RIMS1: variants seen among roughly 807,000 people sequenced by gnomAD.
RIMS1 encodes the protein regulating synaptic membrane exocytosis 1, also known as regulating synaptic membrane exocytosis protein 1.
RIMS1 carries 83 observed loss-of-function variants against 214.1 expected under a neutral mutation model. The observed-to-expected ratio is 0.39, with a 90% CI of 0.32 to 0.47. RIMS1 has a LOEUF of 0.47. Among genes scored for constraint, RIMS1 ranks in the 20% least tolerant of loss-of-function variants. The pLI is 0.99. For missense variants in RIMS1, 2,050 were observed against 2,161.8 expected (o/e 0.95, Z 1.03); for synonymous variants, 793 against 786.8 (o/e 1.01, Z -0.13).
chr6:72,091,196 C>T (rs535687199), intron 2 of RIMS1, among the ~76,000 whole-genome samples: 1 of 152,316 alleles, frequency 6.6e-6, no homozygotes, highest in Admixed American at 6.5e-5. Flanking sequence ...CCCTCACCTG[C>T]TCTCAGAACC....
chr6:72,002,815 G>T (rs983633864), intron 2 of RIMS1, among the ~76,000 whole-genome samples: 5 of 152,130 alleles, frequency 3.3e-5, no homozygotes, highest in African/African-American at 1.2e-4. Context: ...CACCTGGAGT[G>T]TTGTTTACCC....
chr6:72,317,167 CCA>C (rs1186379325), intron 28 of RIMS1: 1 of 343,330 alleles, frequency 2.9e-6, no homozygotes, highest in Non-Finnish European at 5.7e-6. Context: ...TGCCCCCTCC[CCA>C]GAGTCCCCTA....
At chr6:72,315,173 T>C (rs776503685) in intron 28 of RIMS1, among the ~76,000 whole-genome samples, 10 of 152,202 alleles carry the variant, frequency 6.6e-5, no homozygotes, top group Non-Finnish European at 1.2e-4. Context: ...GTGGAGAACA[T>C]GGCAACTCAA....
chr6:72,390,593 G>A lies in RIMS1; in HGVS notation c.4367-5G>A, dbSNP rs371247831. 6.2e-7 allele frequency: 1 copy of A among 1,610,502 alleles called. No individual in the cohort carries two copies. Among genetic ancestry groups the A allele is most frequent in the East Asian group, 2.2e-5 (1 of 44,768 alleles). ...CTTAGAGTTTCTTTTACTCTCTCCT[G>A]TCAGAGTCGGGCCACAAAAAGTTAA... On this transcript the variant is annotated splice_region_variant and splice_polypyrimidine_tract_variant and intron_variant, in intron 29 of 33. Coordinates refer to ENST00000521978, the MANE Select transcript of RIMS1 (RefSeq NM_014989.7).
chr6:72,400,943 C>T lies in RIMS1; in HGVS notation c.*229C>T. The T allele has an allele frequency of 2.0e-6, 1 of 507,618 alleles. No homozygotes were observed. The highest frequency in any genetic ancestry group is 3.2e-5 in the East Asian group (1 of 31,434). 31.4% of individuals were successfully genotyped at this position (507,618 alleles called of 1,614,324 possible). A position where few individuals can be genotyped will look rare whatever the true frequency, so the allele number is the denominator to read the frequency against. On this transcript the variant is annotated 3_prime_UTR_variant, in exon 34 of 34. Transcript: ENST00000521978. ...AGAATCAACATGCTGGTGAGAGTCA[C>T]TGATGCTTCTAACAAATAGAAAAAG...
At chr6:72,285,134 C>T (rs957275973) in intron 24 of RIMS1, among the ~76,000 whole-genome samples, 2 of 152,086 alleles carry the variant, frequency 1.3e-5, no homozygotes, top group African/African-American at 2.4e-5. Context: ...ATCACTATGC[C>T]ATGTTAATAC....
At chr6:71,936,582 A>T (rs1784530500) in intron 1 of RIMS1, among the ~76,000 whole-genome samples, 1 of 152,212 alleles carries the variant, frequency 6.6e-6, no homozygotes, top group African/African-American at 2.4e-5. Context: ...ATCTTGAGAA[A>T]GAAAATAAAG....
chr6:72,309,440 G>A (rs2095402498), intron 27 of RIMS1, among the ~76,000 whole-genome samples: 1 of 152,088 alleles, frequency 6.6e-6, no homozygotes, highest in Non-Finnish European at 1.5e-5. Flanking sequence ...TCTCTGTATA[G>A]TGAAGAGGCC....
intron 2 of RIMS1, among the ~76,000 whole-genome samples, chr6:72,060,347 G>C (rs1339068889): frequency 1.3e-5 from 2 of 152,060 alleles, no homozygotes; most frequent in Non-Finnish European, 2.9e-5. Context: ...CTATTTCAGT[G>C]CATCCTACAC....
chr6:72,176,726 T>C (rs2047760501), intron 4 of RIMS1, among the ~76,000 whole-genome samples: 1 of 77,792 alleles, frequency 1.3e-5, no homozygotes, highest in Non-Finnish European at 2.4e-5. Flanking sequence ...TTTTACTAAA[T>C]GTTAAAAACA....
intron 2 of RIMS1, among the ~76,000 whole-genome samples, chr6:71,992,396 C>CTCTG (rs750816621): frequency 1.2e-5 from 1 of 80,108 alleles, no homozygotes; most frequent in Non-Finnish European, 2.4e-5. Context: ...TTCTTTCTTT[C>CTCTG]TCTCTCTCTC....
At chr6:71,900,512 C>A (rs1211677152) in intron 1 of RIMS1, among the ~76,000 whole-genome samples, 1 of 151,986 alleles carries the variant, frequency 6.6e-6, no homozygotes, top group East Asian at 1.9e-4. Flanking sequence ...TGTGTAGAGA[C>A]CAGCTGGGAG....
chr6:71,973,840 AAGAG>A (rs898852373), intron 2 of RIMS1, among the ~76,000 whole-genome samples: 4 of 152,104 alleles, frequency 2.6e-5, no homozygotes, highest in African/African-American at 9.7e-5. Context: ...AGTGGAGAGC[AAGAG>A]AGAGAGAGTG....
chr6:72,029,164 T>C (rs1248677445), intron 2 of RIMS1, among the ~76,000 whole-genome samples: 1 of 152,168 alleles, frequency 6.6e-6, no homozygotes. Context: ...CTATCACCTC[T>C]CTTTCTGCAT....
chr6:71,957,417 C>A (rs1344919242), intron 1 of RIMS1, among the ~76,000 whole-genome samples: 2 of 152,104 alleles, frequency 1.3e-5, no homozygotes, highest in African/African-American at 4.8e-5. Context: ...GAATTTTTAA[C>A]AATAGAGTTG....
At chr6:72,211,080 T>C (rs957182096) in intron 6 of RIMS1, among the ~76,000 whole-genome samples, 4 of 152,186 alleles carry the variant, frequency 2.6e-5, no homozygotes, top group African/African-American at 9.7e-5. Flanking sequence ...TTTTATGCCA[T>C]AACCTTTCAT....
intron 6 of RIMS1, among the ~76,000 whole-genome samples, chr6:72,198,214 G>A (rs1277238421): frequency 2.0e-5 from 3 of 151,968 alleles, no homozygotes; most frequent in African/African-American, 7.2e-5. Flanking sequence ...AGTGGCCATC[G>A]GTGCATGAAT....
intron 2 of RIMS1, among the ~76,000 whole-genome samples, chr6:72,010,261 C>T (rs940295397): frequency 8.5e-5 from 13 of 152,080 alleles, no homozygotes; most frequent in Admixed American, 8.5e-4. Flanking sequence ...CAGAAAAGTC[C>T]ATTGACAAAA....
In RIMS1 at chr6:72,397,702, C is replaced by T. The variant is rs565494295; in HGVS notation, c.4619-547C>T. Among the ~76,000 whole-genome samples, 32 of 152,244 alleles carry T rather than the reference C, an allele frequency of 2.1e-4. No individual in the cohort carries two copies. The South Asian group carries it at 6.6e-3, about 32-fold the overall frequency. The stretch of plus-strand genomic sequence containing the variant: ...TAGTTTATGTAAATAACCTTTATTT[C>T]CATCAATAGGAGTCTGATTTAATAG... On this transcript the variant is annotated intron_variant, in intron 31 of 33. Coordinates refer to ENST00000521978, the MANE Select transcript of RIMS1 (RefSeq NM_014989.7).
Sources: allele counts gnomAD v4.1 joint callset (sites outside exome capture counted in the v4.1 genomes callset), GRCh38; gene constraint gnomAD v4.1.1; transcripts MANE v1.5; gene names NCBI Gene and HGNC (gene_info 2026-07-23, HGNC 2026-07-21).